The following ARIH1 variants were observed in gnomAD, a reference collection of about 807,000 sequenced individuals.
ARIH1 encodes the protein E3 ubiquitin-protein ligase ARIH1.
ARIH1 carries 8 observed loss-of-function variants against 85.0 expected under a neutral mutation model. That is an observed-to-expected ratio of 0.09 (90% CI 0.06 to 0.17). The LOEUF (loss-of-function observed/expected upper bound fraction) is 0.17, where lower values mean the gene tolerates loss of function less well. Among genes scored for constraint, ARIH1 ranks in the 10% least tolerant of loss-of-function variants. The pLI is 1.00. For missense variants in ARIH1, 311 were observed against 718.1 expected (o/e 0.43, Z 6.48); for synonymous variants, 238 against 253.6 (o/e 0.94, Z 0.59).
rs1415972178 is a variant in ARIH1 at position 72,484,780 on chromosome 15, CAT to C, written c.375+9774_375+9775del. Among the ~76,000 whole-genome samples the C allele has an allele frequency of 1.7e-4, 12 of 70,416 alleles. No individual in the cohort carries two copies. The South Asian group carries it at 3.6e-3, about 21-fold the overall frequency. The allele number at this position is 70,416 out of a possible 152,430, so 46.2% of individuals were successfully genotyped here. A position where few individuals can be genotyped will look rare whatever the true frequency, so the allele number is the denominator to read the frequency against. ...ATACATATATATGTGTATATATATA[CAT>C]ATATATACACACACACACACACACC... is the stretch of plus-strand genomic sequence containing the variant. On this transcript the variant is annotated intron_variant, in intron 1 of 13. Transcript: ENST00000379887.
At chr15:72,538,012 A>C (rs2064090414) in intron 2 of ARIH1, among the ~76,000 whole-genome samples, 1 of 152,134 alleles carries the variant, frequency 6.6e-6, no homozygotes, top group African/African-American at 2.4e-5. Flanking sequence ...TTGACTTGCA[A>C]ATGTATAATG....
At chr15:72,559,991 A>G (rs574056791) in intron 5 of ARIH1, among the ~76,000 whole-genome samples, 1 of 152,304 alleles carries the variant, frequency 6.6e-6, no homozygotes, top group South Asian at 2.1e-4. Context: ...AATTCTCTTA[A>G]GTATATATAT....
At chr15:72,533,024 G>C (rs547998829) in intron 2 of ARIH1, among the ~76,000 whole-genome samples, 15 of 152,314 alleles carry the variant, frequency 9.8e-5, no homozygotes, top group Non-Finnish European at 1.5e-5. Flanking sequence ...TGTGGATATC[G>C]TATCTCCAGT....
chr15:72,574,895 C>G (rs1348419300), intron 11 of ARIH1, among the ~76,000 whole-genome samples: 1 of 89,276 alleles, frequency 1.1e-5, no homozygotes, highest in Non-Finnish European at 2.5e-5. Flanking sequence ...CATAGTAAGA[C>G]CCCCCCGCCG....
intron 1 of ARIH1, among the ~76,000 whole-genome samples, chr15:72,495,915 C>T (rs1173698761): frequency 1.3e-5 from 2 of 152,080 alleles, no homozygotes; most frequent in East Asian, 3.9e-4. Context: ...ATATATCTTA[C>T]AATTTTTTTC....
intron 7 of ARIH1, among the ~76,000 whole-genome samples, chr15:72,564,859 T>A (rs202117313): frequency 9.9e-5 from 15 of 151,804 alleles, no homozygotes; most frequent in South Asian, 2.1e-4. Context: ...CTTTTTTTTT[T>A]AAAAAGGATG....
intron 5 of ARIH1, among the ~76,000 whole-genome samples, chr15:72,560,827 G>GAATTCTTTTTCTTGT (rs56159127): frequency 0.81 from 122,914 of 151,984 alleles, 53,718 homozygotes; most frequent in East Asian, 1. Context: ...TTCTCAGTGG[G>GAATTCTTTTTCTTGT]AATACACTCA....
chr15:72,601,164 A>G lies in ARIH1; in HGVS notation c.*17872A>G, dbSNP rs1235893255. On this transcript the variant is annotated 3_prime_UTR_variant, in exon 14 of 14. Transcript: ENST00000379887. ...TTACTTTTTCTCCATCTCCTTTGCC[A>G]TCACACTAGTCCAAGTGAAGTGTTT... 6.6e-6 allele frequency: 1 copy of G among 152,156 alleles called. No homozygotes were observed. The highest frequency in any genetic ancestry group is 1.5e-5 in the Non-Finnish European group (1 of 68,046). The allele number at this position is 152,156 out of a possible 1,614,324, so 9.4% of individuals were successfully genotyped here.
intron 1 of ARIH1, among the ~76,000 whole-genome samples, chr15:72,482,837 CTCTTT>C (rs1469480125): frequency 1.2e-5 from 1 of 84,294 alleles, no homozygotes; most frequent in Admixed American, 1.9e-4. Flanking sequence ...TTCTCTCTCT[CTCTTT>C]TTTTTTTTTT....
At chr15:72,537,759 TC>T (rs995098439) in intron 2 of ARIH1, among the ~76,000 whole-genome samples, 1 of 152,204 alleles carries the variant, frequency 6.6e-6, no homozygotes, top group African/African-American at 2.4e-5. Context: ...GGATTTTTGT[TC>T]TTTGTCAGAA....
intron 11 of ARIH1, among the ~76,000 whole-genome samples, chr15:72,576,928 CAT>C (rs1279977750): frequency 6.6e-6 from 1 of 152,026 alleles, no homozygotes; most frequent in Non-Finnish European, 1.5e-5. Flanking sequence ...TTACCGATAA[CAT>C]AGTCAATTAA....
At chr15:72,544,772 CAG>C in intron 2 of ARIH1, 46 bp from the exon 3 acceptor site, 1 of 1,548,644 alleles carries the variant, frequency 6.5e-7, no homozygotes, top group Middle Eastern at 1.7e-4. Context: ...AGAGCTCTAA[CAG>C]TGTGCAAGTT....
At chr15:72,484,475 T>C (rs2063829119) in intron 1 of ARIH1, among the ~76,000 whole-genome samples, 2 of 151,970 alleles carry the variant, frequency 1.3e-5, no homozygotes, top group African/African-American at 2.4e-5. Context: ...GGCTTTTGCA[T>C]GCTGATAGCT....
At position 72,476,236 on chromosome 15, in the gene ARIH1, G is replaced by C. The variant is rs564605158; in HGVS notation, c.375+1222G>C. 9.9e-5 allele frequency among the ~76,000 whole-genome samples: 15 copies of C among 152,126 alleles called. No individual in the cohort carries two copies. The South Asian group carries it at 3.1e-3, about 32-fold the overall frequency. ...TTTAAAAATTGAAGCATCTATTCAG[G>C]CACTGTTTCAATACAGTGTTTTGCA... On this transcript the variant is annotated intron_variant, in intron 1 of 13. Coordinates refer to ENST00000379887, the MANE Select transcript of ARIH1 (RefSeq NM_005744.5).
Position 72,584,402 on chromosome 15 carries a change from G to T in ARIH1, c.*1110G>T, listed in dbSNP as rs959903943. On this transcript the variant is annotated 3_prime_UTR_variant, in exon 14 of 14. Transcript: ENST00000379887. ...ATTCTTAAGTCCCCTGTCGCATCCA[G>T]TGGAAGCATTTTAAAATTTCTTTTA... The T allele has an allele frequency of 3.9e-5, 6 of 152,196 alleles. No homozygotes were observed. Among genetic ancestry groups the T allele is most frequent in the African/African-American group, 1.4e-4 (6 of 41,442 alleles). The allele number at this position is 152,196 out of a possible 1,614,324, so 9.4% of individuals were successfully genotyped here.
chr15:72,518,694 A>G (rs758696571), intron 2 of ARIH1, among the ~76,000 whole-genome samples: 137 of 151,910 alleles, frequency 9.0e-4, no homozygotes, highest in Non-Finnish European at 3.1e-4. Flanking sequence ...AGGCTGAGGC[A>G]GGAGAATCAC....
intron 1 of ARIH1, among the ~76,000 whole-genome samples, chr15:72,486,623 TC>T (rs1256455524): frequency 2.7e-5 from 4 of 150,384 alleles, no homozygotes; most frequent in African/African-American, 7.3e-5. Context: ...TTCTTAATGC[TC>T]TCTAACATCT....
intron 1 of ARIH1, among the ~76,000 whole-genome samples, chr15:72,512,142 A>C (rs1567343320): frequency 6.6e-6 from 1 of 152,014 alleles, no homozygotes. Flanking sequence ...TCGGATTTTG[A>C]TATCAGTGTG....
intron 2 of ARIH1, among the ~76,000 whole-genome samples, chr15:72,527,264 T>G (rs1567347498): frequency 1.3e-5 from 2 of 152,244 alleles, no homozygotes; most frequent in Non-Finnish European, 2.9e-5. Context: ...GCACTGTTGC[T>G]GCTGCCATTG....
Sources: allele counts gnomAD v4.1 joint callset (sites outside exome capture counted in the v4.1 genomes callset), GRCh38; gene constraint gnomAD v4.1.1; transcripts MANE v1.5; gene names NCBI Gene and HGNC (gene_info 2026-07-23, HGNC 2026-07-21).